PXDNL: variants seen among roughly 807,000 people sequenced by gnomAD.
PXDNL encodes probable oxidoreductase PXDNL.
A neutral mutation model predicts 150.8 loss-of-function variants in PXDNL; 145 were observed. The observed-to-expected ratio is 0.96, with a 90% CI of 0.84 to 1.10. The LOEUF is 1.10. Ranked by LOEUF, PXDNL falls within the 50% of genes least tolerant of loss-of-function variation. PXDNL has a pLI of 0.00. For synonymous variants in PXDNL, 757 were observed against 725.7 expected, an observed-to-expected ratio of 1.04 and a Z score of -0.69; for missense variants, 2,087 against 1,873.9, an observed-to-expected ratio of 1.11 and a Z score of -2.10.
rs536408884 is a variant in PXDNL at position 51,502,587 on chromosome 8, G to T, written c.381-2817C>A. ...GTCACAGGAAAGGAGTCACGAGCCG[G>T]GTCTGTGGTTTAGCCAACCTAACAA... On this transcript the variant is annotated intron_variant, in intron 4 of 22. Transcript: ENST00000356297. 7.9e-5 allele frequency among the ~76,000 whole-genome samples: 12 copies of T among 152,156 alleles called. No individual in the cohort carries two copies. In the East Asian group the frequency reaches 2.1e-3, roughly 27 times the overall value.
In PXDNL at chr8:51,499,771, C is replaced by T; in HGVS notation, c.381-1G>A. On this transcript the variant is annotated splice_acceptor_variant, in intron 4 of 22. Transcript: ENST00000356297. LOFTEE classifies it high-confidence loss of function. ...TTCTAGTTGGTTGAAATGAATATAC[C>T]TGGAAGGCAAAAAATCAAGTTGGTT... The T allele has an allele frequency of 1.2e-6, 2 of 1,610,688 alleles. No individual in the cohort carries two copies. The highest frequency in any genetic ancestry group is 1.7e-6 in the Non-Finnish European group (2 of 1,177,258).
intron 5 of PXDNL, among the ~76,000 whole-genome samples, chr8:51,493,727 G>A (rs1302454148): frequency 2.0e-5 from 3 of 152,144 alleles, no homozygotes; most frequent in African/African-American, 2.4e-5. Context: ...GAGAAGTTTA[G>A]AGAAAAAAGA....
At chr8:51,492,810 G>T (rs376787049) in intron 5 of PXDNL, among the ~76,000 whole-genome samples, 6 of 152,186 alleles carry the variant, frequency 3.9e-5, no homozygotes, top group African/African-American at 1.4e-4. Context: ...GGAGCCCACC[G>T]CAGCGTAAGG....
chr8:51,500,159 T>C (rs528099173), intron 4 of PXDNL, among the ~76,000 whole-genome samples: 1 of 152,376 alleles, frequency 6.6e-6, no homozygotes, highest in East Asian at 1.9e-4. Context: ...ACCACATGCT[T>C]ATTTACATTT....
intron 1 of PXDNL, among the ~76,000 whole-genome samples, chr8:51,693,643 G>C (rs370881811): frequency 1.2e-4 from 19 of 152,202 alleles, no homozygotes; most frequent in African/African-American, 4.3e-4. Context: ...GGTGGTGTGC[G>C]CCTGTGGTCC....
chr8:51,364,590 T>C (rs1157263467), intron 19 of PXDNL, among the ~76,000 whole-genome samples: 2 of 152,230 alleles, frequency 1.3e-5, no homozygotes, highest in Non-Finnish European at 2.9e-5. Context: ...TGAAAGATAT[T>C]GAAGCCAGCC....
chr8:51,512,463 T>C (rs140854226), intron 4 of PXDNL, among the ~76,000 whole-genome samples: 7 of 152,208 alleles, frequency 4.6e-5, no homozygotes, highest in African/African-American at 9.6e-5. Context: ...GGAAGAGTAA[T>C]ATAGAAAAAG....
chr8:51,535,967 G>A (rs1246909422), intron 4 of PXDNL, among the ~76,000 whole-genome samples: 1 of 152,120 alleles, frequency 6.6e-6, no homozygotes, highest in East Asian at 1.9e-4. Context: ...TCTGTGATCT[G>A]TGTAAAGCTG....
At chr8:51,415,489 G>T (rs1038816656) in intron 14 of PXDNL, among the ~76,000 whole-genome samples, 4 of 152,098 alleles carry the variant, frequency 2.6e-5, no homozygotes, top group African/African-American at 9.7e-5. Flanking sequence ...GATCTCATGA[G>T]AATTCACTCA....
chr8:51,778,501 T>A (rs542085681), intron 1 of PXDNL, among the ~76,000 whole-genome samples: 1 of 152,174 alleles, frequency 6.6e-6, no homozygotes, highest in Non-Finnish European at 1.5e-5. Context: ...CATAATTCGC[T>A]AATAGAGTGG....
intron 2 of PXDNL, among the ~76,000 whole-genome samples, chr8:51,618,649 A>T (rs1814177707): frequency 6.6e-6 from 1 of 152,184 alleles, no homozygotes; most frequent in African/African-American, 2.4e-5. Flanking sequence ...ACTTGAAATC[A>T]AACTCCCTGT....
At chr8:51,384,480 G>A (rs1207974864) in intron 17 of PXDNL, among the ~76,000 whole-genome samples, 2 of 151,940 alleles carry the variant, frequency 1.3e-5, no homozygotes, top group African/African-American at 4.8e-5. Context: ...TTTATTAAAA[G>A]CTATCTCGGG....
chr8:51,510,108 G>T (rs974108249), intron 4 of PXDNL, among the ~76,000 whole-genome samples: 38 of 152,212 alleles, frequency 2.5e-4, no homozygotes, highest in African/African-American at 8.2e-4. Context: ...TTCTAGAAAG[G>T]CAGAAGGCCA....
At chr8:51,562,116 T>G (rs2130561403) in intron 3 of PXDNL, among the ~76,000 whole-genome samples, 1 of 151,742 alleles carries the variant, frequency 6.6e-6, no homozygotes, top group Admixed American at 6.6e-5. Context: ...TTTTATTATA[T>G]GAGTAAGAAA....
At chr8:51,754,990 G>A (rs191646441) in intron 1 of PXDNL, among the ~76,000 whole-genome samples, 65 of 152,212 alleles carry the variant, frequency 4.3e-4, no homozygotes, top group African/African-American at 1.5e-3. Flanking sequence ...GGGATTACAG[G>A]TGTGAGCCTA....
At chr8:51,575,743 G>T (rs1431597001) in intron 3 of PXDNL, among the ~76,000 whole-genome samples, 1 of 151,840 alleles carries the variant, frequency 6.6e-6, no homozygotes, top group Admixed American at 6.6e-5. Flanking sequence ...TGGCAAAACA[G>T]ATTTTAAAAT....
intron 3 of PXDNL, among the ~76,000 whole-genome samples, chr8:51,572,909 G>T (rs1358704141): frequency 6.6e-6 from 1 of 151,646 alleles, no homozygotes; most frequent in Non-Finnish European, 1.5e-5. Flanking sequence ...AAACTAAAAG[G>T]CCTCTGAAAG....
intron 4 of PXDNL, among the ~76,000 whole-genome samples, chr8:51,525,104 A>G (rs1192703252): frequency 1.3e-5 from 2 of 150,988 alleles, no homozygotes; most frequent in South Asian, 2.1e-4. Flanking sequence ...AGCTAAGTTT[A>G]TGTGTCACCT....
Position 51,624,013 on chromosome 8 carries a change from A to G in PXDNL, c.236+30676T>C, listed in dbSNP as rs73572361. 2.9e-3 allele frequency among the ~76,000 whole-genome samples: 408 copies of G among 141,506 alleles called. 1 individual carries two copies. Among genetic ancestry groups the G allele is most frequent in the African/African-American group, 1.0e-2 (389 of 39,070 alleles). 92.8% of individuals were successfully genotyped at this position (141,506 alleles called of 152,430 possible). Reference sequence around the variant, plus strand: ...GAAGCTGAGGTGGGAGGATCACTTGAGTCTGGGAGGTCAAGGCTGAAACAA... The same window carrying G: ...GAAGCTGAGGTGGGAGGATCACTTGGGTCTGGGAGGTCAAGGCTGAAACAA... On this transcript the variant is annotated intron_variant, in intron 2 of 22. Transcript: ENST00000356297.
Sources: gnomAD v4.1 joint callset for allele counts (sites outside exome capture counted in the v4.1 genomes callset) on GRCh38, gnomAD v4.1.1 for gene constraint, MANE v1.5 for transcripts, NCBI Gene and HGNC (gene_info 2026-07-23, HGNC 2026-07-21) for gene names.